The following NECTIN1 variants were observed in gnomAD, a reference collection of about 807,000 sequenced individuals.
NECTIN1 encodes the protein nectin cell adhesion molecule 1, also known as nectin-1.
A neutral mutation model predicts 48.0 loss-of-function variants in NECTIN1; 23 were observed. That is an observed-to-expected ratio of 0.48 (90% CI 0.34 to 0.68). NECTIN1 has a LOEUF of 0.68. Among genes scored for constraint, NECTIN1 ranks in the 30% least tolerant of loss-of-function variants. NECTIN1 has a pLI of 0.01. For synonymous variants in NECTIN1, 270 were observed against 288.9 expected (o/e 0.93, Z 0.66); for missense variants, 591 against 709.9 (o/e 0.83, Z 1.90).
chr11:119,684,509 C>A lies in NECTIN1; in HGVS notation c.80-5744G>T, dbSNP rs1204817137. ...TTCCAGGGATGCTCCCACCCCCACC[C>A]CAGGAACTGGCAGAAGGGGACAGGA... On this transcript the variant is annotated intron_variant, in intron 1 of 5. Transcript: ENST00000264025. This position sits in a 1 kb window ranked among gnomAD's most constrained non-coding sequence, Gnocchi z 5.2. 6.6e-6 allele frequency among the ~76,000 whole-genome samples: 1 copy of A among 152,216 alleles called. No individual in the cohort carries two copies. Among genetic ancestry groups the A allele is most frequent in the African/African-American group, 2.4e-5 (1 of 41,454 alleles).
At chr11:119,725,929 GC>G (rs1242041765) in intron 1 of NECTIN1, among the ~76,000 whole-genome samples, 1 of 152,178 alleles carries the variant, frequency 6.6e-6, no homozygotes, top group Non-Finnish European at 1.5e-5. Flanking sequence ...TAACCCACCT[GC>G]CCCACTGACC....
At chr11:119,722,784 C>T (rs186184106) in intron 1 of NECTIN1, among the ~76,000 whole-genome samples, 34 of 152,300 alleles carry the variant, frequency 2.2e-4, no homozygotes, top group East Asian at 9.6e-4. Context: ...CAAGGGAACA[C>T]GAGTAGCAGA....
intron 6 of NECTIN1, chr11:119,638,893 G>T: frequency 2.4e-6 from 3 of 1,227,938 alleles, no homozygotes; most frequent in Non-Finnish European, 2.4e-6. Flanking sequence ...CGGTCCCTGA[G>T]CCCCACTCAC....
chr11:119,644,908 A>G (rs1036822647), intron 5 of NECTIN1, among the ~76,000 whole-genome samples: 1 of 152,050 alleles, frequency 6.6e-6, no homozygotes, highest in Non-Finnish European at 1.5e-5. Flanking sequence ...CTAATAGGTG[A>G]TATTAGGTAA....
At chr11:119,641,245 G>T (rs1290215863) in intron 5 of NECTIN1, 1 of 152,360 alleles carries the variant, frequency 6.6e-6, no homozygotes, top group Non-Finnish European at 1.5e-5. Flanking sequence ...GTCCAGGCTG[G>T]TCTCAAACTC....
intron 1 of NECTIN1, among the ~76,000 whole-genome samples, chr11:119,691,430 T>C (rs1430843221): frequency 6.6e-6 from 1 of 152,170 alleles, no homozygotes; most frequent in African/African-American, 2.4e-5. Context: ...CTTCAAAAGG[T>C]TGTGACATGG....
At chr11:119,713,716 C>A in intron 1 of NECTIN1, 1 of 391,964 alleles carries the variant, frequency 2.6e-6, no homozygotes, top group Non-Finnish European at 5.1e-6. Context: ...CCTGGATGAC[C>A]TGAGGGGCAG....
intron 1 of NECTIN1, among the ~76,000 whole-genome samples, chr11:119,686,839 C>T (rs564490423): frequency 9.2e-5 from 14 of 152,258 alleles, no homozygotes; most frequent in Admixed American, 4.6e-4. Flanking sequence ...AGTATCTCGG[C>T]GCACACCTGT....
At chr11:119,703,813 T>C (rs998327655) in intron 1 of NECTIN1, among the ~76,000 whole-genome samples, 1 of 152,196 alleles carries the variant, frequency 6.6e-6, no homozygotes, top group African/African-American at 2.4e-5. Context: ...TCATGGAAAA[T>C]GCAAGGTAGC....
At chr11:119,714,000 C>T (rs573724881) in intron 1 of NECTIN1, 56 of 384,774 alleles carry the variant, frequency 1.5e-4, no homozygotes, top group African/African-American at 9.7e-4. Flanking sequence ...AGTGGCCCCC[C>T]CCTTGGTATT....
chr11:119,689,151 T>C (rs1016801742), intron 1 of NECTIN1, among the ~76,000 whole-genome samples: 3 of 152,202 alleles, frequency 2.0e-5, no homozygotes, highest in Admixed American at 6.5e-5. Context: ...ATGTGTTCTG[T>C]GCATTAGTGG....
intron 5 of NECTIN1, among the ~76,000 whole-genome samples, chr11:119,643,951 T>C (rs1718892569): frequency 1.3e-5 from 2 of 152,196 alleles, no homozygotes; most frequent in Non-Finnish European, 2.9e-5. Flanking sequence ...GGCAGAGCAG[T>C]CAAGTCAGCA....
chr11:119,728,498 C>A lies in NECTIN1; in HGVS notation c.56G>T (p.Gly19Val). ...ACCTGGGAGGAAGAATGCGGTCAAGCCGAGAGCGAGTCCCCACCAGCGTCC... is the reference window on the plus strand; with the variant it reads ...ACCTGGGAGGAAGAATGCGGTCAAGACGAGAGCGAGTCCCCACCAGCGTCC... Reference protein sequence around the residue: ...AAGRWWGLALGLTAFFLPGVH... With the variant: ...AAGRWWGLALVLTAFFLPGVH... The change falls in exon 1 of 6, where the codon GGC (glycine) becomes GTC (valine). Residue 19 changes from glycine (G) to valine (V), a missense_variant. Physicochemically the swap from Gly to Val is moderately radical, Grantham distance 109 (BLOSUM62 -3). Transcript: ENST00000264025. 1 of 1,601,600 alleles carries A rather than the reference C, an allele frequency of 6.2e-7. No homozygotes were observed. Among genetic ancestry groups the A allele is most frequent in the Non-Finnish European group, 8.5e-7 (1 of 1,174,880 alleles).
chr11:119,722,143 TAAGACGGTCAGCA>T (rs1174011918), intron 1 of NECTIN1, among the ~76,000 whole-genome samples: 1 of 152,258 alleles, frequency 6.6e-6, no homozygotes, highest in Non-Finnish European at 1.5e-5. Flanking sequence ...CACAAGAGCA[TAAGACGGTCAGCA>T]AATTACTAAA....
At chr11:119,712,472 C>T (rs1865669853) in intron 1 of NECTIN1, among the ~76,000 whole-genome samples, 1 of 152,128 alleles carries the variant, frequency 6.6e-6, no homozygotes, top group Admixed American at 6.5e-5. Flanking sequence ...GCCAGTTCAT[C>T]CATCACTACT....
At chr11:119,650,226 G>A (rs2135531541) in intron 5 of NECTIN1, among the ~76,000 whole-genome samples, 1 of 152,302 alleles carries the variant, frequency 6.6e-6, no homozygotes, top group South Asian at 2.1e-4. Flanking sequence ...CATCAGTTAA[G>A]GCAGGAACCG....
chr11:119,717,289 C>T (rs1168836508), intron 1 of NECTIN1, among the ~76,000 whole-genome samples: 2 of 152,236 alleles, frequency 1.3e-5, no homozygotes, highest in Admixed American at 6.5e-5. Context: ...CTGTCGCACA[C>T]GTTCCCCCAA....
rs754894127 is a variant in NECTIN1 at position 119,648,301 on chromosome 11, G to GTGATGGTGGTGGTGA, written c.1004-8290_1004-8289insTCACCACCACCATCA. Among the ~76,000 whole-genome samples the GTGATGGTGGTGGTGA allele has an allele frequency of 1.5e-4, 2 of 12,920 alleles. 1 individual carries two copies. Among genetic ancestry groups the GTGATGGTGGTGGTGA allele is most frequent in the African/African-American group, 6.9e-4 (2 of 2,898 alleles). The allele number at this position is 12,920 out of a possible 152,430, so 8.5% of individuals were successfully genotyped here. A position where few individuals can be genotyped will look rare whatever the true frequency, so the allele number is the denominator to read the frequency against. ...GATGGTGGTGGTGATGGTGGTGGTG[G>GTGATGGTGGTGGTGA]TGGTGATGGTGGTGATGGTGATGGT... is the stretch of plus-strand genomic sequence containing the variant. On this transcript the variant is annotated intron_variant, in intron 5 of 7. Coordinates refer to the NECTIN1 transcript ENST00000341398.
intron 1 of NECTIN1, among the ~76,000 whole-genome samples, chr11:119,724,174 A>T (rs182971012): frequency 6.6e-6 from 1 of 152,128 alleles, no homozygotes; most frequent in East Asian, 1.9e-4. Context: ...CACACACACC[A>T]TGATTCTTTT....
Sources: gnomAD v4.1 joint callset for allele counts (sites outside exome capture counted in the v4.1 genomes callset) on GRCh38, gnomAD v4.1.1 for gene constraint, Gnocchi (gnomAD v3.1) non-coding constraint, MANE v1.5 for transcripts, NCBI Gene and HGNC (gene_info 2026-07-23, HGNC 2026-07-21) for gene names.